Variants in ZPBP observed in about 807,000 individuals in gnomAD.
ZPBP encodes zona pellucida-binding protein 1.
Under a neutral mutation model 44.8 loss-of-function variants are expected in ZPBP, and 26 were observed. The ratio of observed to expected loss-of-function variants is 0.58; its 90% CI spans 0.43 to 0.81. The LOEUF (loss-of-function observed/expected upper bound fraction) is 0.81, where lower values mean the gene tolerates loss of function less well. ZPBP is among the 30% of genes least tolerant of loss of function. The pLI is 0.00. For synonymous variants in ZPBP, 174 were observed against 153.2 expected (o/e 1.14, Z -1.00); for missense variants, 409 against 434.0 (o/e 0.94, Z 0.51).
chr7:49,931,292 C>T (rs1794434342), intron 1 of ZPBP, among the ~76,000 whole-genome samples: 1 of 152,116 alleles, frequency 6.6e-6, no homozygotes, highest in African/African-American at 2.4e-5. Flanking sequence ...AGGTAACGGG[C>T]AGAGGTTGGG....
chr7:49,874,803 A>G lies in ZPBP; in HGVS notation n.510-24289T>C, dbSNP rs373683889. On this transcript the variant is annotated intron_variant and non_coding_transcript_variant, in intron 2 of 2. Coordinates refer to the ZPBP transcript ENST00000465922. Reference sequence around the variant, plus strand: ...CAGGAGCCTCACGTCTCACTTGTCTATCCTTTTCCTACTTCAGTAAAGATT... The same window carrying G: ...CAGGAGCCTCACGTCTCACTTGTCTGTCCTTTTCCTACTTCAGTAAAGATT... Among the ~76,000 whole-genome samples, 5 of 152,266 alleles carry G rather than the reference A, an allele frequency of 3.3e-5. No homozygotes were observed. The East Asian group carries it at 5.8e-4, about 18-fold the overall frequency.
At chr7:50,037,955 G>A (rs1310650080) in intron 4 of ZPBP, among the ~76,000 whole-genome samples, 1 of 152,116 alleles carries the variant, frequency 6.6e-6, no homozygotes, top group Non-Finnish European at 1.5e-5. Flanking sequence ...GGTGAATCTG[G>A]CTGAGAGGTG....
the ZPBP span, among the ~76,000 whole-genome samples, chr7:49,842,293 A>G: frequency 1.3e-5 from 2 of 152,238 alleles, no homozygotes; most frequent in African/African-American, 2.4e-5. Context: ...GAGAGATGTT[A>G]TCATTCAGGA....
intron 1 of ZPBP, among the ~76,000 whole-genome samples, chr7:49,929,356 C>T (rs1484883269): frequency 6.6e-6 from 1 of 152,186 alleles, no homozygotes; most frequent in African/African-American, 2.4e-5. Context: ...CACAACCCAG[C>T]AAAAGAGAAC....
At chr7:49,933,921 A>G (rs1583866874), downstream of ZPBP, among the ~76,000 whole-genome samples, 5 of 124,676 alleles carry the variant, frequency 4.0e-5, no homozygotes, top group Non-Finnish European at 3.4e-5. Flanking sequence ...GGGAGGGGGG[A>G]GGGATAGCAT....
At position 49,983,506 on chromosome 7, in the gene ZPBP, A is replaced by T. The variant is rs762431466; in HGVS notation, c.797T>A (p.Ile266Lys). 1 of 1,595,628 alleles carries T rather than the reference A, an allele frequency of 6.3e-7. No homozygotes were observed. Among genetic ancestry groups the T allele is most frequent in the Non-Finnish European group, 8.6e-7 (1 of 1,166,716 alleles). Residue 266 changes from isoleucine to lysine, a missense_variant, in exon 7 of 8, where the codon ATA (isoleucine) becomes AAA (lysine). By Grantham distance (102) the Ile-to-Lys change is moderately radical. This residue lies in a region of ZPBP where 367 missense variants were observed against 363.1 expected (regional missense o/e 1.01). Coordinates refer to ENST00000046087, the MANE Select transcript of ZPBP (RefSeq NM_007009.3). ...YKRLFKAKNL[I>K]ERFFNQQVEI... is the part of the protein sequence containing the mutation. ...TACTTGTTGATTAAAAAATCTCTCTATGAGATTTTTAGCCTAAAACATAAA... is the reference window on the plus strand; with the variant it reads ...TACTTGTTGATTAAAAAATCTCTCTTTGAGATTTTTAGCCTAAAACATAAA...
At chr7:49,932,751 A>G (rs1375701289), downstream of ZPBP, among the ~76,000 whole-genome samples, 1 of 152,034 alleles carries the variant, frequency 6.6e-6, no homozygotes, top group Non-Finnish European at 1.5e-5. Flanking sequence ...CCCCACCCAA[A>G]TCTCACCTTG....
At chr7:49,842,143 G>A in the ZPBP span, among the ~76,000 whole-genome samples, 1 of 152,078 alleles carries the variant, frequency 6.6e-6, no homozygotes, top group South Asian at 2.1e-4. Flanking sequence ...GCTGGGATTA[G>A]ATGTGTGAGC....
Position 50,018,299 on chromosome 7 carries a change from C to G in ZPBP, c.724G>C (p.Glu242Gln). 2.5e-6 allele frequency: 4 copies of G among 1,609,148 alleles called. No individual in the cohort carries two copies. Among genetic ancestry groups the G allele is most frequent in the Non-Finnish European group, 3.4e-6 (4 of 1,177,880 alleles). Reference protein sequence around the residue: ...FAFSVSSLDTEKGPKRCTDHN... With the variant: ...FAFSVSSLDTQKGPKRCTDHN... ...TCTGTACATCGCTTGGGTCCTTTTT[C>G]AGTGTCTAGAGATGAAACTGAGAAA... Residue 242 changes from glutamate to glutamine, a missense_variant, in exon 6 of 8, where the codon GAA (glutamate) becomes CAA (glutamine). Physicochemically the swap from Glu to Gln is conservative, Grantham distance 29. Coordinates refer to ENST00000046087, the MANE Select transcript of ZPBP (RefSeq NM_007009.3).
chr7:50,004,683 G>A (rs1798229636), intron 6 of ZPBP, among the ~76,000 whole-genome samples: 1 of 152,062 alleles, frequency 6.6e-6, no homozygotes, highest in Non-Finnish European at 1.5e-5. Flanking sequence ...AGATTCAACA[G>A]CAGAATCAAT....
intron 4 of ZPBP, among the ~76,000 whole-genome samples, chr7:50,052,341 T>C (rs866334413): frequency 6.6e-6 from 1 of 152,118 alleles, no homozygotes; most frequent in East Asian, 1.9e-4. Flanking sequence ...AATAAACTCA[T>C]AAAATATATT....
chr7:49,911,446 C>T (rs1481165879), intron 1 of ZPBP, among the ~76,000 whole-genome samples: 7 of 128,908 alleles, frequency 5.4e-5, no homozygotes, highest in African/African-American at 1.5e-4. Flanking sequence ...CGTGCCACTG[C>T]ACTCCAGCCT....
intron 2 of ZPBP, among the ~76,000 whole-genome samples, chr7:49,890,080 T>C (rs897520795): frequency 6.6e-6 from 1 of 152,120 alleles, no homozygotes; most frequent in African/African-American, 2.4e-5. Context: ...TTTCAAAGCC[T>C]CAATTTCCCA....
At chr7:49,908,196 C>A (rs758816634) in intron 1 of ZPBP, among the ~76,000 whole-genome samples, 1 of 152,130 alleles carries the variant, frequency 6.6e-6, no homozygotes, top group Non-Finnish European at 1.5e-5. Context: ...GTTTTAAGAT[C>A]TCTATTTTAA....
intron 2 of ZPBP, among the ~76,000 whole-genome samples, chr7:49,877,075 A>T (rs1791441697): frequency 6.6e-6 from 1 of 152,120 alleles, no homozygotes; most frequent in South Asian, 2.1e-4. Flanking sequence ...AAGAGACTGC[A>T]AGGAAAGATG....
intron 7 of ZPBP, among the ~76,000 whole-genome samples, chr7:49,966,662 T>C (rs1796074952): frequency 6.6e-6 from 1 of 152,148 alleles, no homozygotes; most frequent in Admixed American, 6.6e-5. Context: ...ATACAACATG[T>C]TGAATGTTGT....
intron 6 of ZPBP, among the ~76,000 whole-genome samples, chr7:49,984,718 T>C (rs1200709822): frequency 6.6e-6 from 1 of 152,188 alleles, no homozygotes; most frequent in Non-Finnish European, 1.5e-5. Flanking sequence ...TATCAGGCCA[T>C]GGACTGGTAC....
chr7:50,027,277 T>C (rs1799382686), intron 5 of ZPBP, among the ~76,000 whole-genome samples: 1 of 151,980 alleles, frequency 6.6e-6, no homozygotes, highest in South Asian at 2.1e-4. Flanking sequence ...ACTAGACTTC[T>C]ATGACCACAA....
intron 7 of ZPBP, among the ~76,000 whole-genome samples, chr7:49,974,240 T>A (rs1796410253): frequency 6.6e-6 from 1 of 152,184 alleles, no homozygotes; most frequent in Non-Finnish European, 1.5e-5. Flanking sequence ...ATTGTGAATG[T>A]ACTTACCACT....
Sources: allele counts gnomAD v4.1 joint callset (sites outside exome capture counted in the v4.1 genomes callset), GRCh38; gene constraint gnomAD v4.1.1; regional missense constraint gnomAD v4.1.1; transcripts MANE v1.5; gene names NCBI Gene and HGNC (gene_info 2026-07-23, HGNC 2026-07-21).